The following SLC7A14 variants were observed in gnomAD, a reference collection of about 807,000 sequenced individuals.
SLC7A14 encodes solute carrier family 7 member 14.
In SLC7A14, 37 loss-of-function variants were observed where a neutral mutation model predicts 60.2. The observed-to-expected ratio is 0.61, with a 90% CI of 0.47 to 0.81. The LOEUF (loss-of-function observed/expected upper bound fraction) is 0.81, where lower values mean the gene tolerates loss of function less well. Ranked by LOEUF, SLC7A14 falls within the 30% of genes least tolerant of loss-of-function variation. The pLI is 0.00. For missense variants in SLC7A14, 886 were observed against 982.7 expected, an observed-to-expected ratio of 0.90 and a Z score of 1.32; for synonymous variants, 399 against 395.8, an observed-to-expected ratio of 1.01 and a Z score of -0.10.
chr3:170,466,972 C>T lies in SLC7A14; in HGVS notation c.*83G>A. 2 of 1,225,204 alleles carry T rather than the reference C, an allele frequency of 1.6e-6. No homozygotes were observed. Among genetic ancestry groups the T allele is most frequent in the Non-Finnish European group, 2.3e-6 (2 of 878,022 alleles). The allele number at this position is 1,225,204 out of a possible 1,614,324, so 75.9% of individuals were successfully genotyped here. A position where few individuals can be genotyped will look rare whatever the true frequency, so the allele number is the denominator to read the frequency against. Reference sequence around the variant, plus strand: ...GAAGGCTGGATTTGTGAAATGAGAGCCAAAAAAGTTTTCACCTTCTAGCCC... The same window carrying T: ...GAAGGCTGGATTTGTGAAATGAGAGTCAAAAAAGTTTTCACCTTCTAGCCC... On this transcript the variant is annotated 3_prime_UTR_variant, in exon 8 of 8. Transcript: ENST00000231706.
At chr3:170,573,210 G>A (rs1174851163) in intron 1 of SLC7A14, among the ~76,000 whole-genome samples, 1 of 152,176 alleles carries the variant, frequency 6.6e-6, no homozygotes, top group African/African-American at 2.4e-5. Flanking sequence ...CAAAATACAA[G>A]AGATGTGTCC....
At chr3:170,480,164 GT>G in intron 7 of SLC7A14, 124 bp downstream of exon 7, 1 of 923,144 alleles carries the variant, frequency 1.1e-6, no homozygotes, top group Non-Finnish European at 1.6e-6. Context: ...GAACACAAGG[GT>G]CCATAGAACC....
intron 2 of SLC7A14, among the ~76,000 whole-genome samples, chr3:170,512,455 G>A (rs930181622): frequency 3.0e-4 from 46 of 152,134 alleles, no homozygotes; most frequent in Non-Finnish European, 5.9e-4. Flanking sequence ...CAGAGACTCC[G>A]AATTTAGGAG....
intron 7 of SLC7A14, among the ~76,000 whole-genome samples, chr3:170,477,840 T>C (rs1229626891): frequency 1.3e-5 from 2 of 152,188 alleles, no homozygotes; most frequent in Non-Finnish European, 2.9e-5. Context: ...ACACTGTGGG[T>C]AGCATTGTAC....
chr3:170,535,420 C>T lies in SLC7A14; in HGVS notation c.-152-8332G>A, dbSNP rs188692644. Among the ~76,000 whole-genome samples, 34 of 152,016 alleles carry T rather than the reference C, an allele frequency of 2.2e-4. No individual in the cohort carries two copies. Among genetic ancestry groups the T allele is most frequent in the Non-Finnish European group, 4.4e-4 (30 of 67,968 alleles). On this transcript the variant is annotated intron_variant, in intron 1 of 7. Transcript: ENST00000231706. This position sits in a 1 kb window ranked among gnomAD's most constrained non-coding sequence, Gnocchi z 4.3. The stretch of plus-strand genomic sequence containing the variant: ...ATTGCAAAAGTATTTAATGAGTTCC[C>T]GGTGTGTGTTTAGTTCAATGGTAGC...
intron 7 of SLC7A14, among the ~76,000 whole-genome samples, chr3:170,471,332 A>C (rs1351017114): frequency 6.6e-6 from 1 of 152,180 alleles, no homozygotes; most frequent in African/African-American, 2.4e-5. Context: ...TATTTGGAAG[A>C]ACATATACAA....
At chr3:170,523,629 T>A (rs1285918753) in intron 2 of SLC7A14, among the ~76,000 whole-genome samples, 7 of 152,192 alleles carry the variant, frequency 4.6e-5, no homozygotes, top group Non-Finnish European at 7.3e-5. Context: ...AAGCAGCAAT[T>A]ATTGCTGGAG....
At chr3:170,493,945 A>G (rs1445050343) in intron 4 of SLC7A14, among the ~76,000 whole-genome samples, 1 of 152,198 alleles carries the variant, frequency 6.6e-6, no homozygotes, top group African/African-American at 2.4e-5. Context: ...TTTAGGGATA[A>G]TGGAATTGCA....
intron 2 of SLC7A14, among the ~76,000 whole-genome samples, chr3:170,515,330 AT>A (rs200696616): frequency 0.12 from 11,423 of 93,744 alleles, 1,293 homozygotes; most frequent in African/African-American, 0.31. Flanking sequence ...CAAAAAAAAA[AT>A]ATATATATAT....
At chr3:170,519,478 A>G (rs1713276579) in intron 2 of SLC7A14, among the ~76,000 whole-genome samples, 1 of 152,228 alleles carries the variant, frequency 6.6e-6, no homozygotes, top group Non-Finnish European at 1.5e-5. Context: ...AAGATTCTTG[A>G]AAAGAGGACA....
chr3:170,570,372 C>T (rs1241510855), intron 1 of SLC7A14: 1 of 151,926 alleles, frequency 6.6e-6, no homozygotes, highest in Non-Finnish European at 1.5e-5. Flanking sequence ...CAGTTGAGCC[C>T]TGCTAGGTCA....
chr3:170,559,421 T>G (rs755048884), intron 1 of SLC7A14, among the ~76,000 whole-genome samples: 1 of 152,192 alleles, frequency 6.6e-6, no homozygotes, highest in Non-Finnish European at 1.5e-5. Context: ...TAGAGAAAAT[T>G]TATTAAGTGG....
chr3:170,494,956 A>G (rs2108276616), intron 4 of SLC7A14, among the ~76,000 whole-genome samples: 1 of 152,360 alleles, frequency 6.6e-6, no homozygotes, highest in East Asian at 1.9e-4. Context: ...CCCCAGCCCC[A>G]GAGCTGACTA....
chr3:170,460,804 A>G lies in SLC7A14; in HGVS notation c.*6251T>C, dbSNP rs189763804. The G allele has an allele frequency of 1.3e-5, 2 of 152,318 alleles. No individual in the cohort carries two copies. Among genetic ancestry groups the G allele is most frequent in the South Asian group, 2.1e-4 (1 of 4,830 alleles). 9.4% of individuals were successfully genotyped at this position (152,318 alleles called of 1,614,324 possible). A position where few individuals can be genotyped will look rare whatever the true frequency, so the allele number is the denominator to read the frequency against. On this transcript the variant is annotated 3_prime_UTR_variant, in exon 8 of 8. Coordinates refer to ENST00000231706, the MANE Select transcript of SLC7A14 (RefSeq NM_020949.3). The stretch of plus-strand genomic sequence containing the variant: ...GTACCAACATGTACTAAATGTCCCA[A>G]AGAGTAAGAAATTAGAACTACCTGT...
chr3:170,501,828 G>T (rs1193362183), intron 2 of SLC7A14, among the ~76,000 whole-genome samples: 2 of 152,214 alleles, frequency 1.3e-5, no homozygotes, highest in Non-Finnish European at 2.9e-5. Flanking sequence ...GTAGATAAAA[G>T]ATGCAAATAT....
chr3:170,477,115 G>A (rs958206144), intron 7 of SLC7A14, among the ~76,000 whole-genome samples: 6 of 152,362 alleles, frequency 3.9e-5, no homozygotes, highest in East Asian at 1.9e-4. Context: ...TCTATCGAAC[G>A]TTCTAATGAA....
At chr3:170,568,518 T>C (rs2108313856) in intron 1 of SLC7A14, among the ~76,000 whole-genome samples, 1 of 152,346 alleles carries the variant, frequency 6.6e-6, no homozygotes, top group African/African-American at 2.4e-5. Context: ...CATATGAACT[T>C]TAAAGTAGTT....
chr3:170,496,355 C>T lies in SLC7A14; in HGVS notation c.759+2312G>A, dbSNP rs761373690. The T allele has an allele frequency of 1.0e-3, 1,414 of 1,371,052 alleles. 2 individuals carry two copies. The highest frequency in any genetic ancestry group is 1.4e-3 in the Non-Finnish European group (1,369 of 964,088). 84.9% of individuals were successfully genotyped at this position (1,371,052 alleles called of 1,614,324 possible). On this transcript the variant is annotated intron_variant, in intron 4 of 7. Coordinates refer to ENST00000231706, the MANE Select transcript of SLC7A14 (RefSeq NM_020949.3). Reference sequence around the variant, plus strand: ...TGCGGTGTACAAAGACTTAGATCTCCGAGATGAACCGGAACATCAGCCGGC... The same window carrying T: ...TGCGGTGTACAAAGACTTAGATCTCTGAGATGAACCGGAACATCAGCCGGC...
At chr3:170,481,210 G>A (rs1248139382) in intron 6 of SLC7A14, 44 bp from the exon 7 acceptor site, 2 of 1,569,778 alleles carry the variant, frequency 1.3e-6, no homozygotes, top group Non-Finnish European at 1.7e-6. Flanking sequence ...GAGCTACAGT[G>A]ACCGATTCCA....
Sources: allele counts gnomAD v4.1 joint callset (sites outside exome capture counted in the v4.1 genomes callset), GRCh38; gene constraint gnomAD v4.1.1; non-coding constraint Gnocchi (gnomAD v3.1); transcripts MANE v1.5; gene names NCBI Gene and HGNC (gene_info 2026-07-23, HGNC 2026-07-21).